CADM2: variants seen among roughly 807,000 people sequenced by gnomAD.
The protein encoded by CADM2 is immunoglobulin superfamily member 4D.
CADM2 carries 12 observed loss-of-function variants against 49.8 expected under a neutral mutation model. The observed-to-expected ratio is 0.24, with a 90% CI of 0.15 to 0.39. The LOEUF (loss-of-function observed/expected upper bound fraction) is 0.39, where lower values mean the gene tolerates loss of function less well. Ranked by LOEUF, CADM2 falls within the 10% of genes least tolerant of loss-of-function variation. The pLI is 1.00. For synonymous variants in CADM2, 214 were observed against 175.4 expected (o/e 1.22, Z -1.74); for missense variants, 378 against 492.3 (o/e 0.77, Z 2.20).
intron 1 of CADM2, among the ~76,000 whole-genome samples, chr3:85,338,976 A>G (rs539781221): frequency 7.3e-5 from 11 of 151,646 alleles, no homozygotes; most frequent in African/African-American, 2.6e-4. Flanking sequence ...ATAAAACTAG[A>G]TTGAGACCAT....
intron 1 of CADM2, among the ~76,000 whole-genome samples, chr3:85,611,056 C>A (rs1443791085): frequency 6.6e-6 from 1 of 151,614 alleles, no homozygotes; most frequent in East Asian, 1.9e-4. Flanking sequence ...CATTTGTTGC[C>A]ATATGAAACT....
intron 3 of CADM2, among the ~76,000 whole-genome samples, chr3:85,803,529 A>ATAGATAGG (rs1245148275): frequency 1.3e-5 from 2 of 152,114 alleles, no homozygotes; most frequent in Non-Finnish European, 2.9e-5. Flanking sequence ...AGATAGATAG[A>ATAGATAGG]TAGATCAATT....
At chr3:85,869,601 G>A (rs1577520045) in intron 3 of CADM2, among the ~76,000 whole-genome samples, 1 of 151,904 alleles carries the variant, frequency 6.6e-6, no homozygotes, top group Non-Finnish European at 1.5e-5. Context: ...CACCATGCTC[G>A]TGATTCATTG....
chr3:86,062,514 ACAC>A (rs1420655205), intron 8 of CADM2, among the ~76,000 whole-genome samples: 1 of 151,906 alleles, frequency 6.6e-6, no homozygotes, highest in Non-Finnish European at 1.5e-5. Context: ...GCAGTGGCTC[ACAC>A]CTGTAATCCC....
chr3:84,997,127 A>G (rs946881471), intron 1 of CADM2, among the ~76,000 whole-genome samples: 5 of 152,138 alleles, frequency 3.3e-5, no homozygotes, highest in Non-Finnish European at 7.4e-5. Flanking sequence ...AATAGTGTTT[A>G]GAAGATACAC....
At chr3:85,145,690 G>T (rs1452342600) in intron 1 of CADM2, among the ~76,000 whole-genome samples, 2 of 152,094 alleles carry the variant, frequency 1.3e-5, no homozygotes, top group Non-Finnish European at 2.9e-5. Context: ...ACAAATAGAA[G>T]TAATGGAATG....
chr3:85,701,423 T>A (rs774511782), intron 1 of CADM2, among the ~76,000 whole-genome samples: 1 of 152,194 alleles, frequency 6.6e-6, no homozygotes, highest in African/African-American at 2.4e-5. Context: ...TGTCACATAC[T>A]TGTCCAGATT....
At chr3:85,104,583 G>A (rs1000623785) in intron 1 of CADM2, among the ~76,000 whole-genome samples, 2 of 152,134 alleles carry the variant, frequency 1.3e-5, no homozygotes, top group African/African-American at 2.4e-5. Context: ...GAACTTTAAA[G>A]TAGTTTTTTC....
intron 1 of CADM2, among the ~76,000 whole-genome samples, chr3:85,007,384 G>A (rs2033783051): frequency 6.6e-6 from 1 of 152,102 alleles, no homozygotes; most frequent in African/African-American, 2.4e-5. Flanking sequence ...CAGACAATAT[G>A]CAAACAAATG....
intron 1 of CADM2, among the ~76,000 whole-genome samples, chr3:85,465,424 T>A (rs2038447941): frequency 6.6e-6 from 1 of 152,168 alleles, no homozygotes; most frequent in African/African-American, 2.4e-5. Flanking sequence ...ATGAGTAATT[T>A]AAAAAGTCAA....
At chr3:85,751,077 G>A (rs530231326) in intron 2 of CADM2, among the ~76,000 whole-genome samples, 4 of 152,156 alleles carry the variant, frequency 2.6e-5, no homozygotes, top group African/African-American at 9.6e-5. Flanking sequence ...AAAGAATGTA[G>A]GTCAAAATTG....
intron 1 of CADM2, among the ~76,000 whole-genome samples, chr3:85,509,858 C>T (rs2040531071): frequency 6.6e-6 from 1 of 151,804 alleles, no homozygotes; most frequent in Non-Finnish European, 1.5e-5. Context: ...AAGTAGCACT[C>T]CAATAAATAT....
intron 1 of CADM2, among the ~76,000 whole-genome samples, chr3:85,232,655 T>C (rs1158026810): frequency 1.3e-5 from 2 of 151,866 alleles, no homozygotes; most frequent in African/African-American, 4.8e-5. Flanking sequence ...TGATGGCGAA[T>C]AAACATGTGA....
chr3:85,285,575 C>A (rs371095812), intron 1 of CADM2, among the ~76,000 whole-genome samples: 12 of 152,070 alleles, frequency 7.9e-5, no homozygotes, highest in African/African-American at 2.6e-4. Flanking sequence ...CTAGTTTGAA[C>A]AGCAAGTTAC....
intron 1 of CADM2, among the ~76,000 whole-genome samples, chr3:85,276,455 T>C (rs1387412285): frequency 6.6e-6 from 1 of 151,380 alleles, no homozygotes; most frequent in Non-Finnish European, 1.5e-5. Flanking sequence ...TCTTAATCTC[T>C]CAAGGAATTA....
rs562607162 is a variant in CADM2 at position 85,830,764 on chromosome 3, A to G, written c.238+28568A>G. Among the ~76,000 whole-genome samples the G allele has an allele frequency of 2.0e-5, 3 of 150,212 alleles. No homozygotes were observed. The East Asian group carries it at 5.9e-4, about 30-fold the overall frequency. ...CTCATCACCATTTATTTTCATTTTTATTTTGTTTTTGGTCAGAAGATGTCT... is the reference window on the plus strand; with the variant it reads ...CTCATCACCATTTATTTTCATTTTTGTTTTGTTTTTGGTCAGAAGATGTCT... On this transcript the variant is annotated intron_variant, in intron 3 of 9. Transcript: ENST00000383699.
At chr3:85,934,741 C>A (rs567407925) in intron 6 of CADM2, among the ~76,000 whole-genome samples, 1 of 151,956 alleles carries the variant, frequency 6.6e-6, no homozygotes, top group Non-Finnish European at 1.5e-5. Flanking sequence ...ATTACACAAT[C>A]GGTAGTAACT....
At chr3:85,192,220 A>G (rs2041226685) in intron 1 of CADM2, among the ~76,000 whole-genome samples, 1 of 152,070 alleles carries the variant, frequency 6.6e-6, no homozygotes, top group African/African-American at 2.4e-5. Flanking sequence ...TTTTCAAGAT[A>G]TGAAGCAGCT....
At chr3:85,988,253 C>G (rs559429905) in intron 8 of CADM2, among the ~76,000 whole-genome samples, 2 of 152,234 alleles carry the variant, frequency 1.3e-5, no homozygotes, top group Non-Finnish European at 2.9e-5. Context: ...TCTTATTTCT[C>G]TAGACTTCAA....
Sources: gnomAD v4.1 joint callset for allele counts (sites outside exome capture counted in the v4.1 genomes callset) on GRCh38, gnomAD v4.1.1 for gene constraint, MANE v1.5 for transcripts, NCBI Gene and HGNC (gene_info 2026-07-23, HGNC 2026-07-21) for gene names.